The following SLC35F3 variants were observed in gnomAD, a reference collection of about 807,000 sequenced individuals.
SLC35F3 encodes the protein solute carrier family 35 member F3.
Under a neutral mutation model 49.9 loss-of-function variants are expected in SLC35F3, and 25 were observed. The ratio of observed to expected loss-of-function variants is 0.50; its 90% CI spans 0.37 to 0.70. The LOEUF (loss-of-function observed/expected upper bound fraction) is 0.70. Ranked by LOEUF, SLC35F3 falls within the 30% of genes least tolerant of loss-of-function variation. The pLI, the probability that SLC35F3 is intolerant of heterozygous loss-of-function variation, is 0.00. For synonymous variants in SLC35F3, 275 were observed against 265.4 expected, an observed-to-expected ratio of 1.04 and a Z score of -0.35; for missense variants, 525 against 639.8, an observed-to-expected ratio of 0.82 and a Z score of 1.94.
chr1:234,011,413 T>G (rs1014619832), intron 2 of SLC35F3, among the ~76,000 whole-genome samples: 4 of 152,156 alleles, frequency 2.6e-5, no homozygotes, highest in Non-Finnish European at 5.9e-5. Flanking sequence ...TTACAATAAT[T>G]TATATGTATT....
chr1:234,158,701 G>T (rs1022431472), intron 2 of SLC35F3, among the ~76,000 whole-genome samples: 1 of 152,098 alleles, frequency 6.6e-6, no homozygotes, highest in Non-Finnish European at 1.5e-5. Flanking sequence ...CCTAGACATG[G>T]AATTGGTTGT....
At chr1:234,126,476 C>CGTGT (rs147108235) in intron 2 of SLC35F3, among the ~76,000 whole-genome samples, 3,982 of 119,358 alleles carry the variant, frequency 0.033, 86 homozygotes, top group Middle Eastern at 0.073. Flanking sequence ...CCCTGTTTTA[C>CGTGT]ATGTGTGTGT....
chr1:233,927,488 G>A (rs1361381443), intron 2 of SLC35F3, among the ~76,000 whole-genome samples: 1 of 151,964 alleles, frequency 6.6e-6, no homozygotes, highest in Admixed American at 6.6e-5. Flanking sequence ...CTCATGTATG[G>A]GCACGTGTAC....
At chr1:234,147,215 T>C (rs1666010722) in intron 2 of SLC35F3, among the ~76,000 whole-genome samples, 1 of 145,220 alleles carries the variant, frequency 6.9e-6, no homozygotes, top group East Asian at 2.1e-4. Flanking sequence ...TTACATAGTT[T>C]GCCCTTTCTA....
intron 3 of SLC35F3, among the ~76,000 whole-genome samples, chr1:234,251,837 T>C (rs1289535445): frequency 6.6e-6 from 1 of 151,838 alleles, no homozygotes; most frequent in Non-Finnish European, 1.5e-5. Context: ...CTTGTATAAG[T>C]GAAGGAAAGA....
intron 5 of SLC35F3, 113 bp downstream of exon 5, chr1:234,316,840 C>T: frequency 7.6e-7 from 1 of 1,320,220 alleles, no homozygotes; most frequent in Admixed American, 2.3e-5. Context: ...ACCTGTGCTT[C>T]AGGACAGGCA....
At chr1:234,234,596 AT>A (rs574780951) in intron 3 of SLC35F3, among the ~76,000 whole-genome samples, 7 of 150,010 alleles carry the variant, frequency 4.7e-5, no homozygotes, top group East Asian at 1.9e-4. Context: ...CCAGCTACAG[AT>A]TTTTTTTTTA....
chr1:233,941,453 CAGTT>C (rs1662418913), intron 2 of SLC35F3, among the ~76,000 whole-genome samples: 1 of 152,158 alleles, frequency 6.6e-6, no homozygotes, highest in South Asian at 2.1e-4. Flanking sequence ...AGAACAAACA[CAGTT>C]AGAGGAACCT....
chr1:234,107,097 C>T (rs531970325), intron 2 of SLC35F3, among the ~76,000 whole-genome samples: 5 of 152,154 alleles, frequency 3.3e-5, no homozygotes, highest in African/African-American at 9.7e-5. Context: ...TCTACTGAGC[C>T]GAGCTGAGCA....
At chr1:234,026,512 A>G (rs929179901) in intron 2 of SLC35F3, among the ~76,000 whole-genome samples, 1 of 152,218 alleles carries the variant, frequency 6.6e-6, no homozygotes, top group African/African-American at 2.4e-5. Flanking sequence ...TTAGCACAAG[A>G]AAACAATTTA....
chr1:234,285,501 A>G, intron 3 of SLC35F3: 1 of 380,678 alleles, frequency 2.6e-6, no homozygotes, highest in Non-Finnish European at 5.1e-6. Context: ...TTGGGGTGCC[A>G]TCTATGTCTC....
chr1:234,100,839 G>C (rs1461602306), intron 2 of SLC35F3, among the ~76,000 whole-genome samples: 7 of 152,322 alleles, frequency 4.6e-5, no homozygotes, highest in Admixed American at 1.3e-4. Context: ...CTGCCAGAAA[G>C]TGCGATGCCA....
chr1:234,077,801 G>T (rs1020788251), intron 2 of SLC35F3, among the ~76,000 whole-genome samples: 3 of 152,248 alleles, frequency 2.0e-5, no homozygotes, highest in Middle Eastern at 3.4e-3. Context: ...CACACAGTCT[G>T]CAGTGCTGCC....
At chr1:234,235,391 T>C (rs976897935) in intron 3 of SLC35F3, among the ~76,000 whole-genome samples, 1 of 152,174 alleles carries the variant, frequency 6.6e-6, no homozygotes, top group South Asian at 2.1e-4. Flanking sequence ...GGAACCACAG[T>C]TTCCTGGACC....
chr1:233,996,722 T>C (rs1663467160), intron 2 of SLC35F3, among the ~76,000 whole-genome samples: 1 of 152,150 alleles, frequency 6.6e-6, no homozygotes, highest in Admixed American at 6.5e-5. Flanking sequence ...TCATTGGGGG[T>C]TGGGAGGGAC....
chr1:233,935,801 T>A (rs1054291985), intron 2 of SLC35F3, among the ~76,000 whole-genome samples: 2 of 152,192 alleles, frequency 1.3e-5, no homozygotes, highest in Non-Finnish European at 2.9e-5. Context: ...GACACGTTAC[T>A]CTATATTTTG....
intron 2 of SLC35F3, among the ~76,000 whole-genome samples, chr1:233,972,497 C>T (rs995358164): frequency 6.6e-6 from 1 of 152,194 alleles, no homozygotes; most frequent in African/African-American, 2.4e-5. Flanking sequence ...AGTGTGACTC[C>T]TCTCTGTGCC....
chr1:234,236,625 G>C (rs1667474346), intron 3 of SLC35F3, among the ~76,000 whole-genome samples: 1 of 152,054 alleles, frequency 6.6e-6, no homozygotes, highest in African/African-American at 2.4e-5. Flanking sequence ...AGGTGAAAGA[G>C]AAGACCCAGC....
At chr1:234,146,690 T>G (rs1666002481) in intron 2 of SLC35F3, among the ~76,000 whole-genome samples, 1 of 151,982 alleles carries the variant, frequency 6.6e-6, no homozygotes, top group Non-Finnish European at 1.5e-5. Flanking sequence ...AATTTTGTAT[T>G]TTTAGTAGAG....
Sources: gnomAD v4.1 joint callset for allele counts (sites outside exome capture counted in the v4.1 genomes callset) on GRCh38, gnomAD v4.1.1 for gene constraint, MANE v1.5 for transcripts, NCBI Gene and HGNC (gene_info 2026-07-23, HGNC 2026-07-21) for gene names.